RANBP1: variants seen among roughly 807,000 people sequenced by gnomAD.
The protein encoded by RANBP1 is RAN binding protein 1.
RANBP1 carries 16 observed loss-of-function variants against 31.4 expected under a neutral mutation model. That is an observed-to-expected ratio of 0.51 (90% CI 0.34 to 0.77). The LOEUF (loss-of-function observed/expected upper bound fraction) is 0.77. Among genes scored for constraint, RANBP1 ranks in the 30% least tolerant of loss-of-function variants. The pLI, the probability that RANBP1 is intolerant of heterozygous loss-of-function variation, is 0.01. For synonymous variants in RANBP1, 129 were observed against 140.5 expected (o/e 0.92, Z 0.58); for missense variants, 265 against 362.0 (o/e 0.73, Z 2.17).
At position 20,125,165 on chromosome 22, in the gene RANBP1, G is replaced by C. The variant is rs565652493; in HGVS notation, c.542-143G>C. ...TCAGGCGCCGTGGTACTTTGTCTAAGCCTGGTTCTCCAACCCCAGACTGTC... is the reference window on the plus strand; with the variant it reads ...TCAGGCGCCGTGGTACTTTGTCTAACCCTGGTTCTCCAACCCCAGACTGTC... On this transcript the variant is annotated intron_variant, in intron 3 of 5. Transcript: ENST00000430524. 2.5e-3 allele frequency: 2,196 copies of C among 875,188 alleles called. 58 individuals carry two copies. In the South Asian group the frequency reaches 0.032, roughly 13 times the overall value. The allele number at this position is 875,188 out of a possible 1,614,324, so 54.2% of individuals were successfully genotyped here.
At chr22:20,116,597 C>A in intron 1 of RANBP1, 167 bp downstream of exon 1, 1 of 1,545,698 alleles carries the variant, frequency 6.5e-7, no homozygotes, top group Non-Finnish European at 8.7e-7. Flanking sequence ...CCACAGCTCT[C>A]CATGGGCTTC....
chr22:20,117,414 C>A, intron 1 of RANBP1: 1 of 1,207,932 alleles, frequency 8.3e-7, no homozygotes, highest in South Asian at 2.9e-5. Flanking sequence ...CGGGGCGGGC[C>A]GGACAATGAG....
chr22:20,117,718 T>C, intron 1 of RANBP1: 1 of 1,110,678 alleles, frequency 9.0e-7, no homozygotes. Flanking sequence ...GGGGCCGTTA[T>C]CAGCGGCCAC....
chr22:20,121,741 G>C (rs1271407294), intron 2 of RANBP1, among the ~76,000 whole-genome samples: 2 of 151,864 alleles, frequency 1.3e-5, no homozygotes, highest in African/African-American at 4.8e-5. Context: ...ATAGTGTCTT[G>C]CTATGTTGCC....
rs1242598992 is a variant in RANBP1, at chr22:20,121,734, G to C, written c.384-530G>C. Among the ~76,000 whole-genome samples, 4 of 152,112 alleles carry C rather than the reference G, an allele frequency of 2.6e-5. No individual in the cohort carries two copies. In the East Asian group the frequency reaches 7.7e-4, roughly 29 times the overall value. On this transcript the variant is annotated intron_variant, in intron 2 of 5. Transcript: ENST00000430524. ...TAATTTTTATCTTTTTGTAGAGATA[G>C]TGTCTTGCTATGTTGCCCAGGCTGG...
At chr22:20,122,039 C>CT (rs2050182811) in intron 2 of RANBP1, among the ~76,000 whole-genome samples, 1 of 152,280 alleles carries the variant, frequency 6.6e-6, no homozygotes, top group Admixed American at 6.5e-5. Context: ...GCCCGGTCGT[C>CT]TAATTCTCTT....
At chr22:20,117,574 GCTA>G in intron 1 of RANBP1, 1 of 1,409,604 alleles carries the variant, frequency 7.1e-7, no homozygotes, top group Non-Finnish European at 9.3e-7. Context: ...GAGGGAAGGA[GCTA>G]CGAGTAGCCG....
chr22:20,122,707 G>A, intron 3 of RANBP1: 1 of 1,371,790 alleles, frequency 7.3e-7, no homozygotes, highest in Non-Finnish European at 9.6e-7. Flanking sequence ...AGTGAGTGCT[G>A]CAGGGCGAGG....
At chr22:20,121,232 C>T (rs537951849) in intron 2 of RANBP1, among the ~76,000 whole-genome samples, 6 of 150,816 alleles carry the variant, frequency 4.0e-5, no homozygotes, top group East Asian at 2.0e-4. Flanking sequence ...GAATTACAGG[C>T]GTGAGCCCCC....
chr22:20,116,548 G>T, intron 1 of RANBP1, 118 bp downstream of exon 1: 1 of 1,596,460 alleles, frequency 6.3e-7, no homozygotes. Flanking sequence ...AGGGGGCACC[G>T]AGACGGTAGG....
At chr22:20,117,513 C>A (rs1366935876) in intron 1 of RANBP1, 1 of 966,524 alleles carries the variant, frequency 1.0e-6, no homozygotes, top group Non-Finnish European at 1.3e-6. Context: ...AGGTTCGGGT[C>A]GTGGGGCGGA....
chr22:20,122,448 C>T (rs748554058), intron 3 of RANBP1, 27 bp downstream of exon 3: 3 of 1,611,060 alleles, frequency 1.9e-6, no homozygotes, highest in Admixed American at 1.7e-5. Context: ...ACCACCTCGA[C>T]AGTCCCCAGC....
At chr22:20,123,788 T>A (rs963097841) in intron 3 of RANBP1, among the ~76,000 whole-genome samples, 3 of 151,924 alleles carry the variant, frequency 2.0e-5, no homozygotes, top group Admixed American at 6.5e-5. Flanking sequence ...CTGCCAGCTG[T>A]CTTTAGATTG....
intron 1 of RANBP1, 123 bp downstream of exon 1, chr22:20,116,553 G>A (rs1427652596): frequency 7.5e-6 from 12 of 1,593,388 alleles, no homozygotes; most frequent in South Asian, 1.1e-5. Flanking sequence ...GCACCGAGAC[G>A]GTAGGGCAGC....
In RANBP1 at chr22:20,127,203, T is replaced by TG. The variant is rs202120214; in HGVS notation, c.*151_*152insG. The TG allele has an allele frequency of 8.3e-6, 5 of 601,610 alleles. No individual in the cohort carries two copies. Among genetic ancestry groups the TG allele is most frequent in the Non-Finnish European group, 1.3e-5 (5 of 373,938 alleles). 37.3% of individuals were successfully genotyped at this position (601,610 alleles called of 1,614,324 possible). A position where few individuals can be genotyped will look rare whatever the true frequency, so the allele number is the denominator to read the frequency against. On this transcript the variant is annotated 3_prime_UTR_variant, in exon 6 of 6. Transcript: ENST00000430524. ...ACTCAACATTCAGGTTGTTTTTTTT[T>TG]TTTGTTTCTAAGTTTTTGCCCTATT...
chr22:20,116,795 C>A, intron 1 of RANBP1: 1 of 1,464,066 alleles, frequency 6.8e-7, no homozygotes, highest in Admixed American at 2.0e-5. Context: ...CCTGCCTCGT[C>A]CCCACCTATT....
chr22:20,125,495 C>T (rs2050275661), intron 4 of RANBP1, 59 bp downstream of exon 4: 21 of 1,555,650 alleles, frequency 1.3e-5, no homozygotes, highest in Non-Finnish European at 1.8e-5. Context: ...GGCAGCGTGG[C>T]GGGTTATGTG....
chr22:20,117,107 C>T, intron 1 of RANBP1: 1 of 695,398 alleles, frequency 1.4e-6, no homozygotes, highest in South Asian at 1.9e-5. Context: ...CTGCGATGCT[C>T]AGGTCCGGGT....
intron 1 of RANBP1, chr22:20,117,419 A>G: frequency 1.7e-6 from 2 of 1,199,584 alleles, no homozygotes; most frequent in Non-Finnish European, 1.0e-6. Context: ...CGGGCCGGAC[A>G]ATGAGAGTGT....
Sources: gnomAD v4.1 joint callset for allele counts (sites outside exome capture counted in the v4.1 genomes callset) on GRCh38, gnomAD v4.1.1 for gene constraint, MANE v1.5 for transcripts, NCBI Gene and HGNC (gene_info 2026-07-23, HGNC 2026-07-21) for gene names.